LIN7B: variants seen among roughly 807,000 people sequenced by gnomAD.
The protein encoded by LIN7B is protein lin-7 homolog B.
LIN7B carries 16 observed loss-of-function variants against 27.9 expected under a neutral mutation model. That is an observed-to-expected ratio of 0.57 (90% CI 0.39 to 0.87). The LOEUF is 0.87. Ranked by LOEUF, LIN7B falls within the 40% of genes least tolerant of loss-of-function variation. The pLI, the probability that LIN7B is intolerant of heterozygous loss-of-function variation, is 0.00. For missense variants in LIN7B, 291 were observed against 288.5 expected (o/e 1.01, Z -0.06); for synonymous variants, 147 against 120.8 (o/e 1.22, Z -1.42).
At chr19:49,117,827 G>C in intron 4 of LIN7B, 28 bp from the exon 5 acceptor site, 1 of 1,605,634 alleles carries the variant, frequency 6.2e-7, no homozygotes, top group Non-Finnish European at 8.5e-7. Context: ...CGGGCCCCAG[G>C]CTCAGCTGTC....
At chr19:49,114,803 G>A (rs1348488886) in intron 1 of LIN7B, 46 bp from the exon 2 acceptor site, 3 of 1,161,196 alleles carry the variant, frequency 2.6e-6, no homozygotes, top group Non-Finnish European at 2.3e-6. Flanking sequence ...CTGCGTCTCG[G>A]GGTCTCTGAC....
At chr19:49,115,618 AG>A (rs2040813433) in intron 3 of LIN7B, 1 of 302,630 alleles carries the variant, frequency 3.3e-6, no homozygotes, top group South Asian at 5.2e-5. Flanking sequence ...ACTGCACAAT[AG>A]TTAGATGCTG....
chr19:49,118,058 G>C (rs2040863240), intron 5 of LIN7B, 40 bp downstream of exon 5: 1 of 1,608,672 alleles, frequency 6.2e-7, no homozygotes, highest in Admixed American at 1.7e-5. Flanking sequence ...GCCTCCACGG[G>C]CTCCCTTTAA....
intron 5 of LIN7B, 129 bp from the exon 6 acceptor site, chr19:49,118,223 A>G: frequency 7.5e-7 from 1 of 1,334,114 alleles, no homozygotes; most frequent in East Asian, 2.3e-5. Context: ...ATCCCAAGAT[A>G]CGGAACCTAC....
At chr19:49,118,305 A>AC in intron 5 of LIN7B, 47 bp from the exon 6 acceptor site, 2 of 1,610,072 alleles carry the variant, frequency 1.2e-6, no homozygotes, top group Non-Finnish European at 1.7e-6. Flanking sequence ...CCTCTTGTCT[A>AC]CCCGGAGCCT....
intron 1 of LIN7B, 129 bp downstream of exon 1, chr19:49,114,570 C>A: frequency 1.4e-6 from 1 of 727,720 alleles, no homozygotes; most frequent in African/African-American, 1.8e-5. Flanking sequence ...GCGGGGCGGG[C>A]GCCGGGGCCG....
At position 49,116,464 on chromosome 19, in the gene LIN7B, A is replaced by T; in HGVS notation, c.430A>T (p.Asn144Tyr). The change falls in exon 4 of 6, where the codon AAC (asparagine) becomes TAC (tyrosine). Residue 144 changes from asparagine to tyrosine, a missense_variant. Coordinates refer to ENST00000221459, the MANE Select transcript of LIN7B (RefSeq NM_022165.3). ...LKRGDQLLSV[N>Y]GVSVEGEQHE... ...GCGTGGGGATCAACTGTTGTCGGTGAACGGTGTGGTGAGTGGAGGGCTGAG... is the reference window on the plus strand; with the variant it reads ...GCGTGGGGATCAACTGTTGTCGGTGTACGGTGTGGTGAGTGGAGGGCTGAG... 2 of 1,613,902 alleles carry T rather than the reference A, an allele frequency of 1.2e-6. No homozygotes were observed. Among genetic ancestry groups the T allele is most frequent in the Non-Finnish European group, 1.7e-6 (2 of 1,179,822 alleles).
At chr19:49,116,209 C>T (rs763719260) in intron 3 of LIN7B, 54 bp from the exon 4 acceptor site, 18 of 1,531,720 alleles carry the variant, frequency 1.2e-5, no homozygotes, top group Non-Finnish European at 1.5e-5. Flanking sequence ...CCCACCCCAG[C>T]TTTCATGCCT....
chr19:49,117,821 C>T lies in LIN7B; in HGVS notation c.439-34C>T, dbSNP rs747589276. 3.1e-6 allele frequency: 5 copies of T among 1,590,744 alleles called. No homozygotes were observed. In the South Asian group the frequency reaches 5.5e-5, roughly 18 times the overall value. ...GTGGGGGCTGGACGAGGGCAGCGGGCCCCAGGCTCAGCTGTCTGTGTTGGG... is the reference window on the plus strand; with the variant it reads ...GTGGGGGCTGGACGAGGGCAGCGGGTCCCAGGCTCAGCTGTCTGTGTTGGG... On this transcript the variant is annotated intron_variant, in intron 4 of 5. Coordinates refer to ENST00000221459, the MANE Select transcript of LIN7B (RefSeq NM_022165.3).
intron 4 of LIN7B, 42 bp downstream of exon 4, chr19:49,116,514 C>A: frequency 6.4e-7 from 1 of 1,553,056 alleles, no homozygotes; most frequent in Non-Finnish European, 8.9e-7. Flanking sequence ...CACAGTCTGT[C>A]TAACGTAGCA....
chr19:49,117,245 CAAA>C (rs1256318523), intron 4 of LIN7B, among the ~76,000 whole-genome samples: 2 of 36,382 alleles, frequency 5.5e-5, no homozygotes, highest in Non-Finnish European at 1.2e-4. Flanking sequence ...GACTCCCTCT[CAAA>C]AAAAAAAAAA....
chr19:49,117,726 C>G (rs981420861), intron 4 of LIN7B, 129 bp from the exon 5 acceptor site: 2 of 757,862 alleles, frequency 2.6e-6, no homozygotes, highest in Non-Finnish European at 4.4e-6. Context: ...ATGACTCCCA[C>G]GAGGAGGACA....
Position 49,115,372 on chromosome 19 carries a change from G to A in LIN7B, c.228+41G>A, listed in dbSNP as rs929259573. ...CATTGCTCCTGGTGTCTATTTAACT[G>A]CCTAGTCGAACTCAATATCTCCTTC... is the stretch of plus-strand genomic sequence containing the variant. On this transcript the variant is annotated intron_variant, in intron 3 of 5. Transcript: ENST00000221459. 5.3e-6 allele frequency: 8 copies of A among 1,505,074 alleles called. No homozygotes were observed. The African/African-American group carries it at 5.6e-5, about 10-fold the overall frequency. The allele number at this position is 1,505,074 out of a possible 1,614,324, so 93.2% of individuals were successfully genotyped here.
At chr19:49,117,720 C>A in intron 4 of LIN7B, 135 bp from the exon 5 acceptor site, 1 of 722,974 alleles carries the variant, frequency 1.4e-6, no homozygotes, top group Non-Finnish European at 2.3e-6. Context: ...GAGTTAATGA[C>A]TCCCACGAGG....
At chr19:49,118,246 C>A in intron 5 of LIN7B, 106 bp from the exon 6 acceptor site, 5 of 1,378,784 alleles carry the variant, frequency 3.6e-6, no homozygotes, top group Non-Finnish European at 5.1e-6. Context: ...TGGCTGGGAT[C>A]CCTCAGCCCA....
In LIN7B at chr19:49,116,405, CA is replaced by C; in HGVS notation, c.372del (p.Gly126ValfsTer18). 2 of 1,614,224 alleles carry C rather than the reference CA, an allele frequency of 1.2e-6. No individual in the cohort carries two copies. Among genetic ancestry groups the C allele is most frequent in the Non-Finnish European group, 8.5e-7 (1 of 1,180,032 alleles). On this transcript the variant is annotated frameshift_variant, in exon 4 of 6. Coordinates refer to ENST00000221459, the MANE Select transcript of LIN7B (RefSeq NM_022165.3). LOFTEE classifies it high-confidence loss of function. ...CCCATCTACATCTCCCGGGTCATCCCAGGGGGTGTGGCTGACCGCCATGGAG... is the reference window on the plus strand; with the variant it reads ...CCCATCTACATCTCCCGGGTCATCCCGGGGGTGTGGCTGACCGCCATGGAG... ...NSPIYISRVI[P>X]GGVADRHGGL...
intron 4 of LIN7B, 35 bp downstream of exon 4, chr19:49,116,507 A>C (rs761516312): frequency 3.8e-6 from 6 of 1,583,910 alleles, no homozygotes; most frequent in Non-Finnish European, 5.2e-6. Context: ...TGGGGGACAC[A>C]GTCTGTCTAA....
At position 49,118,389 on chromosome 19, in the gene LIN7B, C is replaced by T; in HGVS notation, c.*16C>T. 6.2e-7 allele frequency: 1 copy of T among 1,613,712 alleles called. No homozygotes were observed. The highest frequency in any genetic ancestry group is 1.1e-5 in the South Asian group (1 of 91,068). ...TCGAGGTTGAAACCACAGATCTGGACGTTCACGTGCACTCTCTTCCTGTAC... is the reference window on the plus strand; with the variant it reads ...TCGAGGTTGAAACCACAGATCTGGATGTTCACGTGCACTCTCTTCCTGTAC... On this transcript the variant is annotated 3_prime_UTR_variant, in exon 6 of 6. Transcript: ENST00000221459.
intron 2 of LIN7B, 53 bp downstream of exon 2, chr19:49,115,020 C>A: frequency 8.4e-7 from 1 of 1,185,636 alleles, no homozygotes; most frequent in East Asian, 2.9e-5. Flanking sequence ...TCCTCCTCCT[C>A]CTCCTCCTGC....
Sources: allele counts gnomAD v4.1 joint callset (sites outside exome capture counted in the v4.1 genomes callset), GRCh38; gene constraint gnomAD v4.1.1; transcripts MANE v1.5; gene names NCBI Gene and HGNC (gene_info 2026-07-23, HGNC 2026-07-21).